Variants in FLT4 observed in about 807,000 individuals in gnomAD.
The protein encoded by FLT4 is vascular endothelial growth factor receptor 3.
Under a neutral mutation model 163.2 loss-of-function variants are expected in FLT4, and 30 were observed. The ratio of observed to expected loss-of-function variants is 0.18; its 90% CI spans 0.14 to 0.25. The LOEUF is 0.25. Among genes scored for constraint, FLT4 ranks in the 10% least tolerant of loss-of-function variants. The pLI is 1.00. For synonymous variants in FLT4, 884 were observed against 789.5 expected (o/e 1.12, Z -2.01); for missense variants, 1,510 against 1,863.8 (o/e 0.81, Z 3.50).
chr5:180,603,096 A>G lies in FLT4; in HGVS notation c.*96T>C. On this transcript the variant is annotated 3_prime_UTR_variant, in exon 30 of 30. Transcript: ENST00000261937. ...GAAGAGGACACTCCTGTGCCACCAG[A>G]GTTCAACCAGATGAGTTCCCAGCCT... 1 of 1,193,962 alleles carries G rather than the reference A, an allele frequency of 8.4e-7. No individual in the cohort carries two copies. Among genetic ancestry groups the G allele is most frequent in the Non-Finnish European group, 1.2e-6 (1 of 812,814 alleles). 74.0% of individuals were successfully genotyped at this position (1,193,962 alleles called of 1,614,324 possible). A position where few individuals can be genotyped will look rare whatever the true frequency, so the allele number is the denominator to read the frequency against.
At chr5:180,626,433 G>A (rs373472615) in intron 8 of FLT4, among the ~76,000 whole-genome samples, 168 bp from the exon 9 acceptor site, 2 of 152,154 alleles carry the variant, frequency 1.3e-5, no homozygotes, top group Non-Finnish European at 2.9e-5. Flanking sequence ...CCTGGAGATG[G>A]TCTCCAGGCC....
intron 29 of FLT4, chr5:180,607,865 C>T (rs1761886372): frequency 7.2e-6 from 4 of 552,064 alleles, no homozygotes; most frequent in African/African-American, 3.8e-5. Context: ...TGAGAAGTGA[C>T]CTAGAAGGCA....
intron 17 of FLT4, among the ~76,000 whole-genome samples, 197 bp downstream of exon 17, chr5:180,619,976 T>C (rs1319055200): frequency 6.6e-6 from 1 of 152,050 alleles, no homozygotes; most frequent in African/African-American, 2.4e-5. Flanking sequence ...CTGCTCAGGG[T>C]GGCAGCAGGT....
chr5:180,619,243 C>G lies in FLT4; in HGVS notation c.2761+10G>C, dbSNP rs1373941889. ...GGTCTCGCCGTCCCAGCGGGCCGCC[C>G]GCTCCGTACCCTGCGGCTTGGTGCA... is the stretch of plus-strand genomic sequence containing the variant. On this transcript the variant is annotated intron_variant, in intron 19 of 29. Transcript: ENST00000261937. 6.3e-7 allele frequency: 1 copy of G among 1,590,186 alleles called. No homozygotes were observed. The highest frequency in any genetic ancestry group is 8.6e-7 in the Non-Finnish European group (1 of 1,169,014).
At chr5:180,618,741 T>A in intron 21 of FLT4, 29 bp downstream of exon 21, 2 of 1,576,150 alleles carry the variant, frequency 1.3e-6, no homozygotes, top group Non-Finnish European at 1.7e-6. Flanking sequence ...CGTCAGGCAC[T>A]AGGAAAAGGG....
chr5:180,641,741 G>A (rs11748431), intron 1 of FLT4, among the ~76,000 whole-genome samples: 31,825 of 152,164 alleles, frequency 0.21, 3,684 homozygotes, highest in Middle Eastern at 0.28. Context: ...TGCACATCCT[G>A]CAGGTCTGAG....
intron 1 of FLT4, among the ~76,000 whole-genome samples, chr5:180,639,379 G>GTGGATGGGTGGA (rs1554118677): frequency 7.0e-6 from 1 of 142,394 alleles, no homozygotes; most frequent in Non-Finnish European, 1.5e-5. Flanking sequence ...GAGTGGATGG[G>GTGGATGGGTGGA]TGGATGGATG....
intron 18 of FLT4, 94 bp from the exon 19 acceptor site, chr5:180,619,460 G>A: frequency 9.3e-7 from 1 of 1,074,528 alleles, no homozygotes; most frequent in Non-Finnish European, 1.4e-6. Flanking sequence ...GTTACTAAGG[G>A]CCCCCAGGAC....
At chr5:180,607,497 C>T (rs938561914) in intron 29 of FLT4, among the ~76,000 whole-genome samples, 8 of 151,674 alleles carry the variant, frequency 5.3e-5, no homozygotes, top group Admixed American at 2.6e-4. Flanking sequence ...AACAATTAGC[C>T]GGGCGTGGTG....
rs113351767 is a variant in FLT4 at position 180,624,144 on chromosome 5, A to C, written c.1422-83T>G. The stretch of plus-strand genomic sequence containing the variant: ...TGGGGGGCGGGGTCAAGCCCTTGTC[A>C]TATCCAGTCACCTTCTCATATGGGG... On this transcript the variant is annotated intron_variant, in intron 10 of 29. Coordinates refer to ENST00000261937, the MANE Select transcript of FLT4 (RefSeq NM_182925.5). The C allele has an allele frequency of 2.5e-4, 384 of 1,533,824 alleles. 1 individual carries two copies. In the African/African-American group the frequency reaches 4.7e-3, roughly 19 times the overall value.
chr5:180,613,850 C>T (rs1279139128), intron 24 of FLT4: 13 of 623,142 alleles, frequency 2.1e-5, no homozygotes, highest in Non-Finnish European at 2.9e-5. Flanking sequence ...AATGTGCACC[C>T]CACAGAGGGT....
chr5:180,631,431 C>A (rs1382244512), intron 2 of FLT4, among the ~76,000 whole-genome samples: 2 of 152,118 alleles, frequency 1.3e-5, no homozygotes, highest in South Asian at 2.1e-4. Flanking sequence ...CGAGATCGCA[C>A]CACTGCACTC....
chr5:180,619,478 C>G (rs777418035), intron 18 of FLT4, 112 bp from the exon 19 acceptor site: 1 of 955,556 alleles, frequency 1.0e-6, no homozygotes, highest in South Asian at 1.3e-5. Flanking sequence ...GACATCCTGC[C>G]GGCCCCACTG....
Position 180,603,314 on chromosome 5 carries a change from G to A in FLT4, c.3970C>T (p.Arg1324Trp), listed in dbSNP as rs777755208. The A allele has an allele frequency of 5.0e-6, 8 of 1,613,910 alleles. No homozygotes were observed. The highest frequency in any genetic ancestry group is 2.2e-5 in the South Asian group (2 of 91,034). Residue 1324 changes from arginine to tryptophan, a missense_variant, in exon 30 of 30, where the codon CGG (arginine) becomes TGG (tryptophan). This residue lies in a region of FLT4 where 295 missense variants were observed against 311.0 expected (regional missense o/e 0.95). Transcript: ENST00000261937. ...AACACCTGGCCTCCTCGGGCCCCCCGCTCAGGCCGCCGCCGCCTCCCTTGG... is the reference window on the plus strand; with the variant it reads ...AACACCTGGCCTCCTCGGGCCCCCCACTCAGGCCGCCGCCGCCTCCCTTGG... ...DSQGRRRRPE[R>W]GARGGQVFYN...
chr5:180,648,894 T>C (rs902338277), intron 1 of FLT4, among the ~76,000 whole-genome samples: 1 of 152,122 alleles, frequency 6.6e-6, no homozygotes, highest in African/African-American at 2.4e-5. Context: ...TCCTCAAGAT[T>C]CGTCTCAAGT....
chr5:180,620,260 G>T lies in FLT4; in HGVS notation c.2455C>A (p.Pro819Thr). Residue 819 changes from proline to threonine, a missense_variant, in exon 17 of 30, where the codon CCC becomes ACC. Physicochemically the swap from Pro to Thr is conservative, Grantham distance 38. Coordinates refer to ENST00000261937, the MANE Select transcript of FLT4 (RefSeq NM_182925.5). This position sits in a 1 kb window ranked among gnomAD's most constrained non-coding sequence, Gnocchi z 4.4. ...TGCTCCTCCAGAGGCACCTCCCCGG[G>T]GTCCATGATGATGGACAGGTAGCCC... ...KTGYLSIIMD[P>T]GEVPLEEQCE... 1.2e-6 allele frequency: 2 copies of T among 1,612,084 alleles called. No homozygotes were observed. The highest frequency in any genetic ancestry group is 8.5e-7 in the Non-Finnish European group (1 of 1,179,944).
intron 2 of FLT4, among the ~76,000 whole-genome samples, chr5:180,631,189 G>A (rs307819): frequency 0.065 from 9,867 of 152,170 alleles, 434 homozygotes; most frequent in Non-Finnish European, 0.099. Context: ...TGCTGATGGG[G>A]TGGGCTGGGC....
chr5:180,605,071 C>T (rs1195551148), intron 29 of FLT4, among the ~76,000 whole-genome samples: 1 of 152,242 alleles, frequency 6.6e-6, no homozygotes, highest in East Asian at 1.9e-4. Context: ...AGCAACTCTC[C>T]CACCTCAGCC....
Position 180,621,708 on chromosome 5 carries a change from G to T in FLT4, c.1854C>A (p.Thr618=). The change falls in exon 13 of 30, where the codon ACC becomes ACA. Residue 618 remains threonine (T), a synonymous_variant. Coordinates refer to ENST00000261937, the MANE Select transcript of FLT4 (RefSeq NM_182925.5). ...CCTCCTCCAGGCTGGCGGCCAGAGG[G>T]GTGGCGAACAGATGCACGTTCTTGC... ...LDCKNVHLFA[T]PLAASLEEVA... is the part of the protein sequence containing the mutation. 1 of 1,612,888 alleles carries T rather than the reference G, an allele frequency of 6.2e-7. No homozygotes were observed. The highest frequency in any genetic ancestry group is 1.1e-5 in the South Asian group (1 of 91,084).
Sources: gnomAD v4.1 joint callset for allele counts (sites outside exome capture counted in the v4.1 genomes callset) on GRCh38, gnomAD v4.1.1 for gene constraint, gnomAD v4.1.1 regional missense constraint, Gnocchi (gnomAD v3.1) non-coding constraint, MANE v1.5 for transcripts, NCBI Gene and HGNC (gene_info 2026-07-23, HGNC 2026-07-21) for gene names.